Variants in HAPLN2 observed in about 807,000 individuals in gnomAD.
HAPLN2 encodes the protein hyaluronan and proteoglycan link protein 2.
In HAPLN2, 27 loss-of-function variants were observed where a neutral mutation model predicts 29.3. The observed-to-expected ratio is 0.92, with a 90% CI of 0.68 to 1.27. The LOEUF (loss-of-function observed/expected upper bound fraction) is 1.27. HAPLN2 is among the 50% of genes most tolerant of loss of function. The probability of loss-of-function intolerance (pLI) is 0.00; values close to 1 mark genes in which losing one functional copy is unlikely to be tolerated. For synonymous variants in HAPLN2, 208 were observed against 211.7 expected, an observed-to-expected ratio of 0.98 and a Z score of 0.15; for missense variants, 454 against 484.3, an observed-to-expected ratio of 0.94 and a Z score of 0.59.
chr1:156,617,741 T>C (rs1678096806), upstream of HAPLN2, among the ~76,000 whole-genome samples: 1 of 144,942 alleles, frequency 6.9e-6, no homozygotes, highest in Non-Finnish European at 1.5e-5. Flanking sequence ...AGAGAGAAAA[T>C]AAGGCTAAAA....
At chr1:156,610,787 G>C in the HAPLN2 span, among the ~76,000 whole-genome samples, 3 of 152,178 alleles carry the variant, frequency 2.0e-5, no homozygotes, top group African/African-American at 7.2e-5. Flanking sequence ...ACAGCAGAAG[G>C]CTAATAATGG....
At chr1:156,606,391 C>T in the HAPLN2 span, among the ~76,000 whole-genome samples, 102 of 128,468 alleles carry the variant, frequency 7.9e-4, no homozygotes, top group African/African-American at 2.9e-3. Context: ...TGCCACTGTG[C>T]TTCAGCTTGG....
At chr1:156,610,871 C>T in the HAPLN2 span, among the ~76,000 whole-genome samples, 1 of 152,058 alleles carries the variant, frequency 6.6e-6, no homozygotes, top group African/African-American at 2.4e-5. Flanking sequence ...CATTTTATTC[C>T]TTTGATAGTG....
chr1:156,606,464 A>G, the HAPLN2 span, among the ~76,000 whole-genome samples: 2 of 148,866 alleles, frequency 1.3e-5, no homozygotes, highest in Non-Finnish European at 3.0e-5. Flanking sequence ...AATCCTGTGA[A>G]GTCAATTTAG....
chr1:156,623,835 GC>G lies in HAPLN2; in HGVS notation c.120del (p.Ile41SerfsTer42). Reference sequence around the variant, plus strand: ...CCCACCCGGGCCCCCACTACCTCCTGCCCCCCATCCACGAGGTCATTCACTC... The same window carrying G: ...CCCACCCGGGCCCCCACTACCTCCTGCCCCCATCCACGAGGTCATTCACTC... ...ASHPGPHYLL[P>X]PIHEVIHSHR... On this transcript the variant is annotated frameshift_variant, in exon 4 of 7. Transcript: ENST00000255039. LOFTEE classifies it high-confidence loss of function. 2 of 1,537,334 alleles carry G rather than the reference GC, an allele frequency of 1.3e-6. No individual in the cohort carries two copies. The highest frequency in any genetic ancestry group is 1.7e-6 in the Non-Finnish European group (2 of 1,142,872).
At chr1:156,604,583 G>A in the HAPLN2 span, among the ~76,000 whole-genome samples, 4 of 151,994 alleles carry the variant, frequency 2.6e-5, no homozygotes, top group South Asian at 4.1e-4. Flanking sequence ...CACCGTGCCC[G>A]GCCAAAGAAT....
intron 4 of HAPLN2, 54 bp from the exon 5 acceptor site, chr1:156,624,297 C>T: frequency 6.5e-7 from 1 of 1,531,938 alleles, no homozygotes; most frequent in Non-Finnish European, 8.9e-7. Context: ...GCCGCCCTTC[C>T]TCCCCCTCCG....
At chr1:156,613,777 T>C in the HAPLN2 span, among the ~76,000 whole-genome samples, 1 of 151,216 alleles carries the variant, frequency 6.6e-6, no homozygotes, top group Non-Finnish European at 1.5e-5. Flanking sequence ...ATTAGCTTGG[T>C]GTGGTGGCTC....
rs748779498 is a variant in HAPLN2 at position 156,623,481 on chromosome 1, AC to A, written c.-4del. ...GTGCCCTGCAGACGGTGCCGGGCTG[AC>A]CCCCCATCATGCCAGGCTGGCTCAC... is the stretch of plus-strand genomic sequence containing the variant. On this transcript the variant is annotated 5_prime_UTR_variant, in exon 3 of 7. Coordinates refer to ENST00000255039, the MANE Select transcript of HAPLN2 (RefSeq NM_021817.3). 2 of 1,613,208 alleles carry A rather than the reference AC, an allele frequency of 1.2e-6. No homozygotes were observed. The highest frequency in any genetic ancestry group is 1.7e-6 in the Non-Finnish European group (2 of 1,179,814).
intron 4 of HAPLN2, 48 bp downstream of exon 4, chr1:156,624,208 C>T: frequency 6.4e-7 from 1 of 1,558,552 alleles, no homozygotes; most frequent in South Asian, 1.2e-5. Context: ...AGCGGGTCCG[C>T]CTCGCCTGGG....
chr1:156,623,037 AAAATAAATAAATAAATAAAT>A (rs56280786), intron 2 of HAPLN2, among the ~76,000 whole-genome samples: 1 of 111,424 alleles, frequency 9.0e-6, no homozygotes, highest in Admixed American at 1.0e-4. Flanking sequence ...CTGTCTCAAA[AAAATAAATAAATAAATAAAT>A]AAATAAATAA....
the HAPLN2 span, among the ~76,000 whole-genome samples, chr1:156,610,721 G>A: frequency 6.6e-6 from 1 of 152,034 alleles, no homozygotes; most frequent in East Asian, 1.9e-4. Context: ...TATGTATGAT[G>A]TATGTTTCCA....
chr1:156,623,042 AAAT>A lies in HAPLN2; in HGVS notation c.-24-422_-24-420del, dbSNP rs1557975782. On this transcript the variant is annotated intron_variant, in intron 2 of 6. Transcript: ENST00000255039. ...GAGCAACACTCTGTCTCAAAAAAAT[AAAT>A]AAATAAATAAATAAATAAATAAATA... 9.9e-5 allele frequency among the ~76,000 whole-genome samples: 12 copies of A among 121,538 alleles called. 3 individuals are homozygous for A. Among genetic ancestry groups the A allele is most frequent in the South Asian group, 8.3e-4 (3 of 3,600 alleles). The allele number at this position is 121,538 out of a possible 152,430, so 79.7% of individuals were successfully genotyped here. A position where few individuals can be genotyped will look rare whatever the true frequency, so the allele number is the denominator to read the frequency against.
At chr1:156,622,873 A>G (rs1358799256) in intron 2 of HAPLN2, among the ~76,000 whole-genome samples, 1 of 151,576 alleles carries the variant, frequency 6.6e-6, no homozygotes, top group East Asian at 1.9e-4. Context: ...CTAAAAACTT[A>G]AAAAGAAACA....
chr1:156,625,319 C>G lies in HAPLN2; in HGVS notation c.958C>G (p.Arg320Gly), dbSNP rs1200781996. The part of the protein sequence containing the change: ...RCGGLPDPGV[R>G]SFGFPRPQQA... ...CGGGGGGCTCCCGGATCCCGGAGTG[C>G]GCAGTTTCGGCTTCCCCAGGCCCCA... is the stretch of plus-strand genomic sequence containing the variant. Residue 320 changes from arginine to glycine, a missense_variant, in exon 7 of 7, where the codon CGC (arginine) becomes GGC (glycine). Physicochemically the swap from Arg to Gly is moderately radical, Grantham distance 125 (BLOSUM62 -2). This residue lies in a region of HAPLN2 where 235 missense variants were observed against 236.9 expected (regional missense o/e 0.99). Transcript: ENST00000255039. The surrounding 1 kb of genome is among the most constrained non-coding windows in gnomAD (Gnocchi z 5.7). The G allele has an allele frequency of 6.3e-7, 1 of 1,592,678 alleles. No homozygotes were observed. The highest frequency in any genetic ancestry group is 1.3e-5 in the African/African-American group (1 of 74,320).
chr1:156,622,308 G>A (rs956343456), intron 2 of HAPLN2, among the ~76,000 whole-genome samples: 3 of 152,050 alleles, frequency 2.0e-5, no homozygotes, highest in African/African-American at 7.2e-5. Flanking sequence ...AAAAAATTTA[G>A]TGGGGTTTCA....
At chr1:156,624,928 C>A in intron 6 of HAPLN2, 145 bp downstream of exon 6, 1 of 1,009,238 alleles carries the variant, frequency 9.9e-7, no homozygotes, top group Non-Finnish European at 1.4e-6. Flanking sequence ...CCCGCCCAGG[C>A]TCCAGCTCAC....
intron 5 of HAPLN2, 46 bp from the exon 6 acceptor site, chr1:156,624,555 C>T (rs116317850): frequency 0.043 from 69,223 of 1,603,860 alleles, 1,724 homozygotes; most frequent in Middle Eastern, 0.073. Context: ...AGTCTGGCTC[C>T]TGCCTATGAC....
intron 4 of HAPLN2, 60 bp from the exon 5 acceptor site, chr1:156,624,291 C>T (rs1571421891): frequency 6.6e-7 from 1 of 1,521,184 alleles, no homozygotes; most frequent in East Asian, 2.4e-5. Context: ...GGCCGCGCCG[C>T]CCTTCCTCCC....
Sources: gnomAD v4.1 joint callset for allele counts (sites outside exome capture counted in the v4.1 genomes callset) on GRCh38, gnomAD v4.1.1 for gene constraint, gnomAD v4.1.1 regional missense constraint, Gnocchi (gnomAD v3.1) non-coding constraint, MANE v1.5 for transcripts, NCBI Gene and HGNC (gene_info 2026-07-23, HGNC 2026-07-21) for gene names.